Variants in MED26 observed in about 807,000 individuals in gnomAD.
MED26 encodes mediator complex subunit 26, also known as mediator of RNA polymerase II transcription subunit 26.
Under a neutral mutation model 43.7 loss-of-function variants are expected in MED26, and 7 were observed. The ratio of observed to expected loss-of-function variants is 0.16; its 90% CI spans 0.09 to 0.30. The LOEUF is 0.30. MED26 is among the 10% of genes least tolerant of loss of function. MED26 has a pLI of 1.00. For synonymous variants in MED26, 375 were observed against 371.1 expected, an observed-to-expected ratio of 1.01 and a Z score of -0.12; for missense variants, 784 against 840.6, an observed-to-expected ratio of 0.93 and a Z score of 0.83.
At chr19:16,580,249 G>T (rs1047319713) in intron 1 of MED26, among the ~76,000 whole-genome samples, 2 of 152,158 alleles carry the variant, frequency 1.3e-5, no homozygotes, top group African/African-American at 4.8e-5. Flanking sequence ...ATCTTACACA[G>T]CACACATTTA....
intron 1 of MED26, among the ~76,000 whole-genome samples, chr19:16,619,860 C>T (rs1223514619): frequency 6.6e-6 from 1 of 152,198 alleles, no homozygotes; most frequent in African/African-American, 2.4e-5. Flanking sequence ...CAAAGCAGCA[C>T]CCTACTTTCT....
At position 16,576,887 on chromosome 19, in the gene MED26, G is replaced by A; in HGVS notation, c.943C>T (p.Pro315Ser). ...QALDATQVPS[P>S]LPLAQPSTPP... is the part of the protein sequence containing the mutation. ...GTGGACGGCTGTGCCAGTGGAAGCGGTGACGGCACCTGTGTGGCATCGAGT... is the reference window on the plus strand; with the variant it reads ...GTGGACGGCTGTGCCAGTGGAAGCGATGACGGCACCTGTGTGGCATCGAGT... Residue 315 changes from proline (P) to serine (S), a missense_variant, in exon 3 of 3, where the codon CCG becomes TCG. Physicochemically the swap from Pro to Ser is moderately conservative, Grantham distance 74. Coordinates refer to ENST00000263390, the MANE Select transcript of MED26 (RefSeq NM_004831.5). This position sits in a 1 kb window ranked among gnomAD's most constrained non-coding sequence, Gnocchi z 6.8. 1 of 1,608,138 alleles carries A rather than the reference G, an allele frequency of 6.2e-7. No homozygotes were observed. The highest frequency in any genetic ancestry group is 8.5e-7 in the Non-Finnish European group (1 of 1,177,040).
chr19:16,611,019 T>C lies in MED26; in HGVS notation c.72+16853A>G, dbSNP rs535164899. The C allele has an allele frequency of 3.3e-5, 5 of 152,334 alleles. No homozygotes were observed. In the South Asian group the frequency reaches 6.2e-4, roughly 19 times the overall value. The allele number at this position is 152,334 out of a possible 1,614,324, so 9.4% of individuals were successfully genotyped here. On this transcript the variant is annotated intron_variant, in intron 1 of 2. Coordinates refer to ENST00000263390, the MANE Select transcript of MED26 (RefSeq NM_004831.5). ...CAATAAGGAATGTGGGCGTCTATTCTAAGGGTGATGGAAAACCACTGAAGG... is the reference window on the plus strand; with the variant it reads ...CAATAAGGAATGTGGGCGTCTATTCCAAGGGTGATGGAAAACCACTGAAGG...
rs530504370 is a variant in MED26 at position 16,597,191 on chromosome 19, A to G, written c.73-18782T>C. Among the ~76,000 whole-genome samples the G allele has an allele frequency of 2.6e-5, 4 of 151,832 alleles. No individual in the cohort carries two copies. The East Asian group carries it at 7.7e-4, about 29-fold the overall frequency. On this transcript the variant is annotated intron_variant, in intron 1 of 2. Coordinates refer to ENST00000263390, the MANE Select transcript of MED26 (RefSeq NM_004831.5). ...TACAGTACAAAAGCTGTAGCCTGAG[A>G]TGACAACCTCAGCTATCAATCCCAC...
chr19:16,575,276 G>C lies in MED26; in HGVS notation c.*751C>G, dbSNP rs968613941. On this transcript the variant is annotated 3_prime_UTR_variant, in exon 3 of 3. Coordinates refer to ENST00000263390, the MANE Select transcript of MED26 (RefSeq NM_004831.5). ...GAAAAAAGAAAAGGGAGGAAGAAAG[G>C]AAAGGTTTTTTTGTCTGGTGGTCTG... 2 of 152,656 alleles carry C rather than the reference G, an allele frequency of 1.3e-5. No individual in the cohort carries two copies. Among genetic ancestry groups the C allele is most frequent in the African/African-American group, 4.8e-5 (2 of 41,440 alleles). The allele number at this position is 152,656 out of a possible 1,614,324, so 9.5% of individuals were successfully genotyped here. A position where few individuals can be genotyped will look rare whatever the true frequency, so the allele number is the denominator to read the frequency against.
Position 16,586,402 on chromosome 19 carries a change from A to G in MED26, c.73-7993T>C, listed in dbSNP as rs1015802499. Among the ~76,000 whole-genome samples, 4 of 152,224 alleles carry G rather than the reference A, an allele frequency of 2.6e-5. No homozygotes were observed. The highest frequency in any genetic ancestry group is 9.6e-5 in the African/African-American group (4 of 41,470). Reference sequence around the variant, plus strand: ...CACACAGGGCCCATCTGGTGCTTTGAGTAGGTGGGGTGAAGGGTACCAGGT... The same window carrying G: ...CACACAGGGCCCATCTGGTGCTTTGGGTAGGTGGGGTGAAGGGTACCAGGT... On this transcript the variant is annotated intron_variant, in intron 1 of 2. Coordinates refer to ENST00000263390, the MANE Select transcript of MED26 (RefSeq NM_004831.5). This position sits in a 1 kb window ranked among gnomAD's most constrained non-coding sequence, Gnocchi z 5.1.
chr19:16,601,893 G>C (rs2086151339), intron 1 of MED26, among the ~76,000 whole-genome samples: 1 of 152,228 alleles, frequency 6.6e-6, no homozygotes, highest in Admixed American at 6.5e-5. Context: ...CTGAAGCAGG[G>C]AGACAGTTCT....
chr19:16,608,189 C>T (rs1462612496), intron 1 of MED26, among the ~76,000 whole-genome samples: 9 of 152,232 alleles, frequency 5.9e-5, no homozygotes, highest in Non-Finnish European at 1.2e-4. Flanking sequence ...AGCCTGCTCA[C>T]GCCAGCTTTA....
intron 1 of MED26, among the ~76,000 whole-genome samples, chr19:16,606,540 C>T (rs2086174081): frequency 6.6e-6 from 1 of 152,030 alleles, no homozygotes; most frequent in African/African-American, 2.4e-5. Flanking sequence ...CAGAGCGAGA[C>T]TCCGTCTCAA....
At chr19:16,626,527 G>A (rs938014523) in intron 1 of MED26, among the ~76,000 whole-genome samples, 2 of 152,140 alleles carry the variant, frequency 1.3e-5, no homozygotes, top group African/African-American at 2.4e-5. Flanking sequence ...GATAAGAGAA[G>A]TACTTATATC....
chr19:16,596,635 G>C (rs1357055097), intron 1 of MED26, among the ~76,000 whole-genome samples: 1 of 152,222 alleles, frequency 6.6e-6, no homozygotes, highest in East Asian at 1.9e-4. Context: ...GCTGGCACAG[G>C]GTGGGGATGT....
chr19:16,611,370 T>C (rs2086198586), intron 1 of MED26: 1 of 152,166 alleles, frequency 6.6e-6, no homozygotes, highest in Non-Finnish European at 1.5e-5. Context: ...TGGAGTGTTA[T>C]GTTGCACACT....
At chr19:16,606,230 CCAGCACAGT>C (rs1278864281) in intron 1 of MED26, among the ~76,000 whole-genome samples, 1 of 152,190 alleles carries the variant, frequency 6.6e-6, no homozygotes, top group Non-Finnish European at 1.5e-5. Context: ...ATAAATGAGG[CCAGCACAGT>C]CAGCACAAAG....
intron 1 of MED26, among the ~76,000 whole-genome samples, chr19:16,613,332 C>T (rs900102201): frequency 6.6e-6 from 1 of 152,144 alleles, no homozygotes; most frequent in Non-Finnish European, 1.5e-5. Context: ...AAATGAAAAG[C>T]CTCCCTTCTC....
At chr19:16,614,462 G>C (rs1476453836) in intron 1 of MED26, among the ~76,000 whole-genome samples, 1 of 152,046 alleles carries the variant, frequency 6.6e-6, no homozygotes, top group African/African-American at 2.4e-5. Flanking sequence ...CGGGGACGTA[G>C]AGGTTGCAGT....
At chr19:16,614,826 C>T (rs1208719040) in intron 1 of MED26, among the ~76,000 whole-genome samples, 1 of 152,194 alleles carries the variant, frequency 6.6e-6, no homozygotes, top group Admixed American at 6.5e-5. Context: ...AGGGGGCTTC[C>T]TCCAGGGGTC....
chr19:16,576,143 C>G lies in MED26; in HGVS notation c.1687G>C (p.Val563Leu). Residue 563 changes from valine (V) to leucine (L), a missense_variant, in exon 3 of 3, where the codon GTG becomes CTG. Physicochemically the swap from Val to Leu is conservative, Grantham distance 32. Transcript: ENST00000263390. The surrounding 1 kb of genome is among the most constrained non-coding windows in gnomAD (Gnocchi z 6.8). Reference sequence around the variant, plus strand: ...CCCTGTGTGTCCTGACACCCGTTCACCCCCGGCCACTGGCTGGCCTGGATT... The same window carrying G: ...CCCTGTGTGTCCTGACACCCGTTCAGCCCCGGCCACTGGCTGGCCTGGATT... ...DRIQASQWPGVNGCQDTQGNW... is the reference protein window; with the variant it reads ...DRIQASQWPGLNGCQDTQGNW... 1 of 1,613,862 alleles carries G rather than the reference C, an allele frequency of 6.2e-7. No individual in the cohort carries two copies. The highest frequency in any genetic ancestry group is 8.5e-7 in the Non-Finnish European group (1 of 1,180,014).
chr19:16,616,258 T>C (rs1372581875), intron 1 of MED26, among the ~76,000 whole-genome samples: 1 of 152,188 alleles, frequency 6.6e-6, no homozygotes, highest in Admixed American at 6.5e-5. Flanking sequence ...TACATCTTTC[T>C]GGAAAAACAA....
chr19:16,595,715 A>G (rs2086117278), intron 1 of MED26, among the ~76,000 whole-genome samples: 1 of 152,312 alleles, frequency 6.6e-6, no homozygotes, highest in Admixed American at 6.5e-5. Flanking sequence ...CAATTATATC[A>G]CTGCATCACA....
Sources: allele counts gnomAD v4.1 joint callset (sites outside exome capture counted in the v4.1 genomes callset), GRCh38; gene constraint gnomAD v4.1.1; non-coding constraint Gnocchi (gnomAD v3.1); transcripts MANE v1.5; gene names NCBI Gene and HGNC (gene_info 2026-07-23, HGNC 2026-07-21).